The following RIMBP2 variants were observed in gnomAD, a reference collection of about 807,000 sequenced individuals.
RIMBP2 encodes RIMS binding protein 2, also known as RIMS-binding protein 2.
Under a neutral mutation model 118.6 loss-of-function variants are expected in RIMBP2, and 48 were observed. The observed-to-expected ratio is 0.40, with a 90% CI of 0.32 to 0.51. The LOEUF is 0.51. Among genes scored for constraint, RIMBP2 ranks in the 20% least tolerant of loss-of-function variants. The probability of loss-of-function intolerance (pLI) is 0.41; values close to 1 mark genes in which losing one functional copy is unlikely to be tolerated. For synonymous variants in RIMBP2, 762 were observed against 742.9 expected, an observed-to-expected ratio of 1.03 and a Z score of -0.42; for missense variants, 1,551 against 1,768.3, an observed-to-expected ratio of 0.88 and a Z score of 2.20.
rs566445799 is a variant in RIMBP2, at chr12:130,500,256, G to A, written c.-4+6392C>T. On this transcript the variant is annotated intron_variant, in intron 4 of 22. Coordinates refer to ENST00000690449, the MANE Select transcript of RIMBP2 (RefSeq NM_001393629.1). ...AGGCAGATCACAAGGTCAGGAGTTC[G>A]AGACCAGCCTGACCAACACGGGGAA... Among the ~76,000 whole-genome samples, 348 of 152,246 alleles carry A rather than the reference G, an allele frequency of 2.3e-3. 2 individuals carry two copies. The highest frequency in any genetic ancestry group is 7.6e-3 in the African/African-American group (315 of 41,538).
chr12:130,658,443 T>A (rs951236692), intron 1 of RIMBP2: 1 of 152,062 alleles, frequency 6.6e-6, no homozygotes, highest in Non-Finnish European at 1.5e-5. Flanking sequence ...GTCTCTATGC[T>A]GCATGTGGGG....
chr12:130,627,664 A>G (rs1423646463), intron 2 of RIMBP2, among the ~76,000 whole-genome samples: 3 of 151,992 alleles, frequency 2.0e-5, no homozygotes, highest in Non-Finnish European at 2.9e-5. Flanking sequence ...CTCCCCTTCC[A>G]CCATGCAGCC....
chr12:130,650,088 A>T (rs1384999421), intron 1 of RIMBP2, among the ~76,000 whole-genome samples: 1 of 151,548 alleles, frequency 6.6e-6, no homozygotes, highest in African/African-American at 2.4e-5. Flanking sequence ...CCTCGGGGAG[A>T]CGCAGTGGGG....
intron 6 of RIMBP2, among the ~76,000 whole-genome samples, chr12:130,467,434 G>C (rs1243000034): frequency 6.6e-6 from 1 of 152,236 alleles, no homozygotes; most frequent in Non-Finnish European, 1.5e-5. Context: ...CTCAGTGCAA[G>C]AGGACAGCTT....
In RIMBP2 at chr12:130,424,629, C is replaced by T. The variant is rs934264197; in HGVS notation, c.2642G>A (p.Gly881Asp). Residue 881 changes from glycine (G) to aspartate (D), a missense_variant, in exon 16 of 23, where the codon GGC (glycine) becomes GAC (aspartate). Gly to Asp is a moderately conservative substitution (Grantham distance 94). Transcript: ENST00000690449. This position sits in a 1 kb window ranked among gnomAD's most constrained non-coding sequence, Gnocchi z 9.8. ...RPYRGDEAPRGSWFPVKHRGS... is the reference protein window; with the variant it reads ...RPYRGDEAPRDSWFPVKHRGS... ...CCTGTGCTTCACCGGGAACCAGGAGCCCCGAGGGGCCTCGTCGCCCCTGTA... is the reference window on the plus strand; with the variant it reads ...CCTGTGCTTCACCGGGAACCAGGAGTCCCGAGGGGCCTCGTCGCCCCTGTA... The T allele has an allele frequency of 8.1e-6, 10 of 1,231,814 alleles. No homozygotes were observed. Among genetic ancestry groups the T allele is most frequent in the Non-Finnish European group, 1.0e-5 (10 of 987,840 alleles). The allele number at this position is 1,231,814 out of a possible 1,614,324, so 76.3% of individuals were successfully genotyped here. A position where few individuals can be genotyped will look rare whatever the true frequency, so the allele number is the denominator to read the frequency against.
intron 14 of RIMBP2, chr12:130,432,180 T>C: frequency 2.2e-6 from 1 of 455,902 alleles, no homozygotes; most frequent in South Asian, 1.6e-5. Flanking sequence ...CACTCCTGGA[T>C]AGGTGAGGAG....
chr12:130,461,872 T>C (rs1481261075), intron 6 of RIMBP2, among the ~76,000 whole-genome samples: 1 of 152,050 alleles, frequency 6.6e-6, no homozygotes, highest in Non-Finnish European at 1.5e-5. Flanking sequence ...CCTTCATAAA[T>C]CACCTTCATA....
chr12:130,580,926 G>GGTGT (rs34292565), intron 2 of RIMBP2, among the ~76,000 whole-genome samples: 10,308 of 149,380 alleles, frequency 0.069, 552 homozygotes, highest in South Asian at 0.25. Context: ...ACCCAGCAAT[G>GGTGT]GTGTGTGTGT....
intron 4 of RIMBP2, among the ~76,000 whole-genome samples, chr12:130,482,886 A>C (rs1267037593): frequency 1.7e-5 from 2 of 118,992 alleles, no homozygotes; most frequent in African/African-American, 3.2e-5. Flanking sequence ...TACATGTGTC[A>C]GATTCTGCAG....
chr12:130,498,534 G>A (rs1407633120), intron 4 of RIMBP2, among the ~76,000 whole-genome samples: 1 of 150,842 alleles, frequency 6.6e-6, no homozygotes, highest in Admixed American at 6.6e-5. Context: ...CAGCAAGGGG[G>A]CCTCTGGTCC....
intron 1 of RIMBP2, among the ~76,000 whole-genome samples, chr12:130,712,515 G>A (rs2895139): frequency 0.62 from 94,655 of 151,918 alleles, 32,842 homozygotes; most frequent in Non-Finnish European, 0.8. Context: ...GTCCTGTCCC[G>A]CTGGGAGGTC....
chr12:130,584,706 C>CAACCATTACATCATCACTATCA (rs1566310398), intron 2 of RIMBP2, among the ~76,000 whole-genome samples: 2 of 152,052 alleles, frequency 1.3e-5, no homozygotes, highest in African/African-American at 2.4e-5. Context: ...ATCACTATCA[C>CAACCATTACATCATCACTATCA]AACCATTACA....
intron 2 of RIMBP2, among the ~76,000 whole-genome samples, chr12:130,561,721 A>G (rs1447053861): frequency 6.6e-6 from 1 of 152,132 alleles, no homozygotes; most frequent in Non-Finnish European, 1.5e-5. Context: ...CATTCACTAA[A>G]CATGATAAAA....
chr12:130,570,058 A>G (rs2057511051), intron 2 of RIMBP2, among the ~76,000 whole-genome samples: 1 of 152,152 alleles, frequency 6.6e-6, no homozygotes, highest in Non-Finnish European at 1.5e-5. Flanking sequence ...TTTCCGAAAT[A>G]CCAAAGCACA....
chr12:130,570,037 C>T (rs1168807694), intron 2 of RIMBP2, among the ~76,000 whole-genome samples: 1 of 152,166 alleles, frequency 6.6e-6, no homozygotes, highest in Admixed American at 6.5e-5. Flanking sequence ...GAAAATCACA[C>T]ACCTTGATTA....
chr12:130,526,724 T>C (rs1484377202), intron 2 of RIMBP2, among the ~76,000 whole-genome samples: 1 of 152,192 alleles, frequency 6.6e-6, no homozygotes, highest in Non-Finnish European at 1.5e-5. Flanking sequence ...ACATAGACTA[T>C]ATAGTTATAA....
At chr12:130,452,613 G>C (rs964762239) in intron 7 of RIMBP2, among the ~76,000 whole-genome samples, 7 of 152,222 alleles carry the variant, frequency 4.6e-5, no homozygotes, top group Non-Finnish European at 8.8e-5. Context: ...TCCCAGCCAC[G>C]AGAGTCACCT....
In RIMBP2 at chr12:130,536,700, T is replaced by A. The variant is rs563337784; in HGVS notation, c.-216-18783A>T. Among the ~76,000 whole-genome samples the A allele has an allele frequency of 3.3e-5, 5 of 152,320 alleles. No individual in the cohort carries two copies. In the South Asian group the frequency reaches 1.0e-3, roughly 32 times the overall value. On this transcript the variant is annotated intron_variant, in intron 2 of 22. Transcript: ENST00000690449. Reference sequence around the variant, plus strand: ...TATTTAATTTTAAGTTTAATTTAAGTCAAATAAAATCCCAGTATGTAGAGC... The same window carrying A: ...TATTTAATTTTAAGTTTAATTTAAGACAAATAAAATCCCAGTATGTAGAGC...
intron 2 of RIMBP2, among the ~76,000 whole-genome samples, chr12:130,580,831 T>C (rs1159757770): frequency 6.6e-6 from 1 of 151,922 alleles, no homozygotes; most frequent in Non-Finnish European, 1.5e-5. Flanking sequence ...TCCCAGCTAC[T>C]TGGGAGGCTG....
Sources: allele counts gnomAD v4.1 joint callset (sites outside exome capture counted in the v4.1 genomes callset), GRCh38; gene constraint gnomAD v4.1.1; non-coding constraint Gnocchi (gnomAD v3.1); transcripts MANE v1.5; gene names NCBI Gene and HGNC (gene_info 2026-07-23, HGNC 2026-07-21).